Variants in LARS2 observed in about 807,000 individuals in gnomAD.
The protein encoded by LARS2 is leucyl-tRNA synthetase 2, mitochondrial, also known as leucine--tRNA ligase, mitochondrial.
A neutral mutation model predicts 116.6 loss-of-function variants in LARS2; 81 were observed. The ratio of observed to expected loss-of-function variants is 0.69; its 90% CI spans 0.58 to 0.84. The LOEUF (loss-of-function observed/expected upper bound fraction) is 0.84. Ranked by LOEUF, LARS2 falls within the 40% of genes least tolerant of loss-of-function variation. LARS2 has a pLI of 0.00. For synonymous variants in LARS2, 396 were observed against 407.2 expected, an observed-to-expected ratio of 0.97 and a Z score of 0.33; for missense variants, 968 against 1,114.5, an observed-to-expected ratio of 0.87 and a Z score of 1.87.
intron 10 of LARS2, among the ~76,000 whole-genome samples, chr3:45,483,048 T>C (rs1485499764): frequency 6.6e-6 from 1 of 152,236 alleles, no homozygotes; most frequent in East Asian, 1.9e-4. Context: ...CAAGGGAGGC[T>C]GAACAGTGCT....
chr3:45,439,773 A>T (rs1024198966), intron 6 of LARS2, among the ~76,000 whole-genome samples: 2 of 152,156 alleles, frequency 1.3e-5, no homozygotes, highest in African/African-American at 4.8e-5. Flanking sequence ...TAGTGGTCGG[A>T]GTACCCTTAT....
chr3:45,496,512 T>G (rs1700014196), intron 14 of LARS2, 139 bp downstream of exon 14: 1 of 708,938 alleles, frequency 1.4e-6, no homozygotes, highest in East Asian at 2.5e-5. Context: ...AGAGGAGGAG[T>G]GGGCAGAGAG....
chr3:45,523,251 A>G (rs1025707078), intron 19 of LARS2, among the ~76,000 whole-genome samples: 20 of 152,358 alleles, frequency 1.3e-4, no homozygotes, highest in African/African-American at 4.1e-4. Flanking sequence ...ATTTCAGAGA[A>G]TAGGGGTCCC....
chr3:45,463,433 CTG>C (rs1313500260), intron 8 of LARS2, among the ~76,000 whole-genome samples: 2 of 152,314 alleles, frequency 1.3e-5, no homozygotes, highest in Admixed American at 1.3e-4. Flanking sequence ...AATACAAAGT[CTG>C]TGTTTGCCTC....
chr3:45,397,698 C>T, intron 3 of LARS2, among the ~76,000 whole-genome samples: 1 of 152,176 alleles, frequency 6.6e-6, no homozygotes, highest in Non-Finnish European at 1.5e-5. Context: ...CCAAAGAACT[C>T]TTAACAGCTA....
At chr3:45,452,751 G>C (rs1445233416) in intron 7 of LARS2, among the ~76,000 whole-genome samples, 2 of 152,020 alleles carry the variant, frequency 1.3e-5, no homozygotes, top group Non-Finnish European at 1.5e-5. Flanking sequence ...GAGAAGAATG[G>C]GTATTAGTTT....
intron 19 of LARS2, among the ~76,000 whole-genome samples, chr3:45,523,576 C>T (rs1253050114): frequency 1.3e-5 from 2 of 151,108 alleles, no homozygotes; most frequent in Non-Finnish European, 2.9e-5. Context: ...GCCCAAGCTT[C>T]AGTGCAGTGG....
chr3:45,421,298 A>G (rs1163703147), intron 6 of LARS2: 2 of 152,254 alleles, frequency 1.3e-5, no homozygotes, highest in Non-Finnish European at 1.5e-5. Flanking sequence ...GAGTATTCAT[A>G]TATTTTACTG....
intron 3 of LARS2, among the ~76,000 whole-genome samples, chr3:45,397,981 C>A (rs1490563412): frequency 6.6e-6 from 1 of 152,216 alleles, no homozygotes; most frequent in African/African-American, 2.4e-5. Context: ...AGTTATAAAT[C>A]TGCAGTTTCT....
chr3:45,499,955 T>C (rs1035975154), intron 14 of LARS2, among the ~76,000 whole-genome samples: 2 of 152,164 alleles, frequency 1.3e-5, no homozygotes, highest in Non-Finnish European at 2.9e-5. Flanking sequence ...TTTTATTATA[T>C]AAGCTTTTCT....
At chr3:45,501,944 T>G (rs1700129853) in intron 15 of LARS2, among the ~76,000 whole-genome samples, 1 of 152,024 alleles carries the variant, frequency 6.6e-6, no homozygotes, top group Non-Finnish European at 1.5e-5. Flanking sequence ...ATTTTTTAAT[T>G]TTTAATTTTT....
intron 4 of LARS2, among the ~76,000 whole-genome samples, chr3:45,415,799 G>T (rs1698403616): frequency 6.7e-6 from 1 of 148,526 alleles, no homozygotes. Flanking sequence ...AGTGAGCCGA[G>T]ATTGCACCAT....
In LARS2 at chr3:45,491,747, G is replaced by A; in HGVS notation, c.1470G>A (p.Lys490=). 6.2e-7 allele frequency: 1 copy of A among 1,613,832 alleles called. No individual in the cohort carries two copies. The highest frequency in any genetic ancestry group is 8.5e-7 in the Non-Finnish European group (1 of 1,179,746). The change falls in exon 13 of 22, where the codon AAG becomes AAA. Residue 490 remains lysine (K), a synonymous_variant. Coordinates refer to ENST00000645846, the MANE Select transcript of LARS2 (RefSeq NM_015340.4). ...CCAACATCGCGTCTTTCACTGGCAAGGGAGGCCCCCCACTGGCCATGGCTT... is the reference window on the plus strand; with the variant it reads ...CCAACATCGCGTCTTTCACTGGCAAAGGAGGCCCCCCACTGGCCATGGCTT... ...TLPNIASFTG[K]GGPPLAMASE...
intron 8 of LARS2, among the ~76,000 whole-genome samples, chr3:45,470,333 TTC>T (rs1252699237): frequency 6.6e-6 from 1 of 152,228 alleles, no homozygotes; most frequent in Non-Finnish European, 1.5e-5. Flanking sequence ...GTTTTAATGT[TTC>T]TCTCTCTTAT....
At chr3:45,500,377 C>T (rs1234446041) in intron 14 of LARS2, 65 bp from the exon 15 acceptor site, 2 of 1,462,776 alleles carry the variant, frequency 1.4e-6, no homozygotes, top group African/African-American at 1.4e-5. Flanking sequence ...TTACAATAGG[C>T]CTGTTTAATT....
At chr3:45,519,468 G>A (rs1210154147) in intron 18 of LARS2, among the ~76,000 whole-genome samples, 4 of 143,564 alleles carry the variant, frequency 2.8e-5, no homozygotes, top group African/African-American at 1.0e-4. Flanking sequence ...TCCAACTTGG[G>A]TGACAAAGCG....
intron 4 of LARS2, among the ~76,000 whole-genome samples, chr3:45,405,111 GT>G (rs967031901): frequency 2.0e-4 from 29 of 144,524 alleles, no homozygotes; most frequent in African/African-American, 3.8e-4. Context: ...AGCATGTCAA[GT>G]TTTTTTTTTT....
At chr3:45,488,902 T>C (rs1699864591) in intron 12 of LARS2, 90 bp downstream of exon 12, 3 of 838,644 alleles carry the variant, frequency 3.6e-6, no homozygotes, top group Non-Finnish European at 6.3e-6. Context: ...AACCTGTTCC[T>C]TCACTCGTCC....
chr3:45,400,390 G>T lies in LARS2; in HGVS notation c.363+17G>T. ...GGGATGCAGGTAAGAACAGGTGCCT[G>T]CTGGAGCAGCCCTTGTCTGCCACAC... On this transcript the variant is annotated intron_variant, in intron 4 of 21. Coordinates refer to ENST00000645846, the MANE Select transcript of LARS2 (RefSeq NM_015340.4). The T allele has an allele frequency of 6.3e-7, 1 of 1,589,286 alleles. No homozygotes were observed. The highest frequency in any genetic ancestry group is 8.6e-7 in the Non-Finnish European group (1 of 1,167,998).
Sources: allele counts gnomAD v4.1 joint callset (sites outside exome capture counted in the v4.1 genomes callset), GRCh38; gene constraint gnomAD v4.1.1; transcripts MANE v1.5; gene names NCBI Gene and HGNC (gene_info 2026-07-23, HGNC 2026-07-21).